HECTD2: variants seen among roughly 807,000 people sequenced by gnomAD.
The protein encoded by HECTD2 is HECT domain E3 ubiquitin protein ligase 2, also known as probable E3 ubiquitin-protein ligase HECTD2.
Under a neutral mutation model 103.2 loss-of-function variants are expected in HECTD2, and 35 were observed. The observed-to-expected ratio is 0.34, with a 90% CI of 0.26 to 0.45. The LOEUF (loss-of-function observed/expected upper bound fraction) is 0.45, where lower values mean the gene tolerates loss of function less well. Among genes scored for constraint, HECTD2 ranks in the 20% least tolerant of loss-of-function variants. The probability of loss-of-function intolerance (pLI) is 1.00; values close to 1 mark genes in which losing one functional copy is unlikely to be tolerated. For synonymous variants in HECTD2, 281 were observed against 329.9 expected (o/e 0.85, Z 1.61); for missense variants, 596 against 937.4 (o/e 0.64, Z 4.76).
At chr10:91,431,700 G>C (rs1232645532) in intron 2 of HECTD2, among the ~76,000 whole-genome samples, 1 of 151,788 alleles carries the variant, frequency 6.6e-6, no homozygotes, top group African/African-American at 2.4e-5. Context: ...CATTCTTCAC[G>C]TGGTTCTCGA....
intron 16 of HECTD2, 105 bp downstream of exon 16, chr10:91,498,287 C>T (rs1846761423): frequency 5.3e-6 from 4 of 757,248 alleles, no homozygotes; most frequent in African/African-American, 1.7e-5. Context: ...CAAGGATTAA[C>T]CAATACATAC....
chr10:91,431,169 G>T (rs565040282), intron 2 of HECTD2, among the ~76,000 whole-genome samples: 5 of 151,656 alleles, frequency 3.3e-5, no homozygotes, highest in Admixed American at 6.6e-5. Context: ...GAAATTCTGG[G>T]TTGAAAATTC....
intron 20 of HECTD2, among the ~76,000 whole-genome samples, chr10:91,508,838 G>A (rs1020383809): frequency 7.2e-5 from 11 of 151,916 alleles, no homozygotes; most frequent in African/African-American, 1.7e-4. Flanking sequence ...TGTTTATTGC[G>A]GTATTATTCA....
intron 15 of HECTD2, among the ~76,000 whole-genome samples, chr10:91,496,584 C>T (rs1846673545): frequency 6.6e-6 from 1 of 152,140 alleles, no homozygotes. Context: ...GATAGAGAGG[C>T]AGTAATTCGA....
rs1320431485 is a variant in HECTD2 at position 91,422,149 on chromosome 10, G to C, written c.139-3132G>C. On this transcript the variant is annotated intron_variant, in intron 1 of 20. Transcript: ENST00000298068. Reference sequence around the variant, plus strand: ...TCCTCAATGATTTTTCTCTATCTCTGTTCAGGATAGAATCTATACTCTGTA... The same window carrying C: ...TCCTCAATGATTTTTCTCTATCTCTCTTCAGGATAGAATCTATACTCTGTA... Among the ~76,000 whole-genome samples the C allele has an allele frequency of 3.9e-5, 6 of 151,982 alleles. No homozygotes were observed. The East Asian group carries it at 1.2e-3, about 29-fold the overall frequency.
intron 2 of HECTD2, among the ~76,000 whole-genome samples, chr10:91,450,578 G>A (rs1054717022): frequency 6.6e-6 from 1 of 151,964 alleles, no homozygotes; most frequent in Non-Finnish European, 1.5e-5. Context: ...TATCATCAGA[G>A]TGAAGAGGCA....
At chr10:91,497,207 C>G (rs192759976) in intron 15 of HECTD2, among the ~76,000 whole-genome samples, 1 of 146,522 alleles carries the variant, frequency 6.8e-6, no homozygotes, top group African/African-American at 2.5e-5. Context: ...AACTCATGGC[C>G]TCAAGTGATC....
chr10:91,420,429 CAA>C (rs113416881), intron 1 of HECTD2, among the ~76,000 whole-genome samples: 10 of 132,308 alleles, frequency 7.6e-5, no homozygotes, highest in Non-Finnish European at 1.2e-4. Context: ...ACTAAGAATA[CAA>C]AAAAAAAAAA....
rs904888046 is a variant in HECTD2, at chr10:91,498,777, G to A, written c.1756-95G>A. On this transcript the variant is annotated intron_variant, in intron 16 of 20. Coordinates refer to ENST00000298068, the MANE Select transcript of HECTD2 (RefSeq NM_182765.6). ...ATAGTTTATGTGTTTAGAAGGAAGG[G>A]GGAAAAAAACTGTTTTTTAAATTTT... 18 of 682,546 alleles carry A rather than the reference G, an allele frequency of 2.6e-5. No individual in the cohort carries two copies. The Admixed American group carries it at 5.2e-4, about 20-fold the overall frequency. The allele number at this position is 682,546 out of a possible 1,614,324, so 42.3% of individuals were successfully genotyped here. A position where few individuals can be genotyped will look rare whatever the true frequency, so the allele number is the denominator to read the frequency against.
intron 5 of HECTD2, among the ~76,000 whole-genome samples, chr10:91,469,839 A>G (rs1442787453): frequency 6.6e-6 from 1 of 152,248 alleles, no homozygotes; most frequent in Non-Finnish European, 1.5e-5. Flanking sequence ...TCTCACATAC[A>G]GTGACATCCA....
intron 2 of HECTD2, among the ~76,000 whole-genome samples, chr10:91,456,048 C>A (rs1845073936): frequency 6.6e-6 from 1 of 152,126 alleles, no homozygotes; most frequent in Admixed American, 6.6e-5. Flanking sequence ...ATTGACTTAG[C>A]AATGCGGGCT....
In HECTD2 at chr10:91,425,371, A is replaced by G; in HGVS notation, c.229A>G (p.Ser77Gly). The change falls in exon 2 of 21, where the codon AGT (serine) becomes GGT (glycine). Residue 77 changes from serine (S) to glycine (G), a missense_variant. Around this residue, in one of 4 missense-constraint regions of HECTD2, gnomAD observed 220 missense variants for 233.9 expected, o/e 0.94. Transcript: ENST00000298068. ...GAAGAAAGAAGCTGCTGAAAACAGA[A>G]GTTCACCTGCACATCTTGTTTTCCC... ...SPKKEAAENRSSPAHLVFPNI... is the reference protein window; with the variant it reads ...SPKKEAAENRGSPAHLVFPNI... 1.9e-6 allele frequency: 3 copies of G among 1,580,044 alleles called. No homozygotes were observed. The highest frequency in any genetic ancestry group is 2.4e-5 in the South Asian group (2 of 85,008).
At chr10:91,494,239 A>G (rs1483388149) in intron 14 of HECTD2, among the ~76,000 whole-genome samples, 2 of 152,072 alleles carry the variant, frequency 1.3e-5, no homozygotes, top group Non-Finnish European at 2.9e-5. Flanking sequence ...CTCAGAGTCA[A>G]ATGACCATAT....
intron 20 of HECTD2, among the ~76,000 whole-genome samples, chr10:91,503,404 A>T (rs1846988775): frequency 6.6e-6 from 1 of 152,196 alleles, no homozygotes; most frequent in East Asian, 1.9e-4. Flanking sequence ...CAGTGGGCGC[A>T]GGTCAGTGGG....
At chr10:91,479,271 A>C (rs1271879310) in intron 6 of HECTD2, among the ~76,000 whole-genome samples, 1 of 152,162 alleles carries the variant, frequency 6.6e-6, no homozygotes, top group Non-Finnish European at 1.5e-5. Flanking sequence ...TATATCTCAA[A>C]GATGGTGACT....
chr10:91,502,852 T>C (rs1354729516), intron 20 of HECTD2, among the ~76,000 whole-genome samples: 2 of 152,208 alleles, frequency 1.3e-5, no homozygotes, highest in Non-Finnish European at 2.9e-5. Flanking sequence ...ATATGTGAGC[T>C]AACATGGCTT....
intron 5 of HECTD2, among the ~76,000 whole-genome samples, chr10:91,472,322 C>CT (rs1426158259): frequency 1.3e-5 from 2 of 152,134 alleles, no homozygotes; most frequent in Non-Finnish European, 2.9e-5. Flanking sequence ...AAATTAAAGA[C>CT]TTTAATGTAA....
intron 5 of HECTD2, among the ~76,000 whole-genome samples, chr10:91,472,910 A>T (rs892056471): frequency 3.3e-5 from 5 of 152,180 alleles, no homozygotes; most frequent in African/African-American, 4.8e-5. Context: ...GTAAACTGGA[A>T]GGTAGAAGTG....
intron 5 of HECTD2, among the ~76,000 whole-genome samples, 200 bp from the exon 6 acceptor site, chr10:91,477,979 TGCATGTTGTATGCTACACATAC>T (rs1447106110): frequency 6.6e-6 from 1 of 152,240 alleles, no homozygotes; most frequent in Non-Finnish European, 1.5e-5. Context: ...TATATGTTTG[TGCATGTTGTATGCTACACATAC>T]CAGGGATACT....
Sources: gnomAD v4.1 joint callset for allele counts (sites outside exome capture counted in the v4.1 genomes callset) on GRCh38, gnomAD v4.1.1 for gene constraint, gnomAD v4.1.1 regional missense constraint, MANE v1.5 for transcripts, NCBI Gene and HGNC (gene_info 2026-07-23, HGNC 2026-07-21) for gene names.